CCDC158: variants seen among roughly 807,000 people sequenced by gnomAD.
CCDC158 encodes coiled-coil domain containing 158.
A neutral mutation model predicts 138.6 loss-of-function variants in CCDC158; 116 were observed. That is an observed-to-expected ratio of 0.84 (90% CI 0.72 to 0.98). The LOEUF (loss-of-function observed/expected upper bound fraction) is 0.98, where lower values mean the gene tolerates loss of function less well. Among genes scored for constraint, CCDC158 ranks in the 50% least tolerant of loss-of-function variants. The pLI is 0.00. For synonymous variants in CCDC158, 436 were observed against 442.4 expected (o/e 0.99, Z 0.18); for missense variants, 1,265 against 1,306.1 (o/e 0.97, Z 0.48).
In CCDC158 at chr4:76,355,318, A is replaced by G; in HGVS notation, c.2286+6T>C. 3 of 1,591,270 alleles carry G rather than the reference A, an allele frequency of 1.9e-6. No homozygotes were observed. The highest frequency in any genetic ancestry group is 2.6e-6 in the Non-Finnish European group (3 of 1,159,586). ...TGGTTTCCCCACTCTGAGGACAGCA[A>G]CCCACCTTATTTGCATTTGTCATTG... is the stretch of plus-strand genomic sequence containing the variant. On this transcript the variant is annotated splice_donor_region_variant and intron_variant, in intron 15 of 24. Transcript: ENST00000682701.
intron 12 of CCDC158, among the ~76,000 whole-genome samples, chr4:76,362,856 T>C (rs1387592383): frequency 6.6e-6 from 1 of 152,116 alleles, no homozygotes; most frequent in Non-Finnish European, 1.5e-5. Flanking sequence ...AACAAATATT[T>C]AATATGTCAG....
At chr4:76,397,058 C>A (rs540245762) in intron 3 of CCDC158, among the ~76,000 whole-genome samples, 24 of 148,674 alleles carry the variant, frequency 1.6e-4, no homozygotes, top group African/African-American at 5.5e-4. Context: ...AATTTGTGAT[C>A]GGGGGCAAAC....
In CCDC158 at chr4:76,371,113, G is replaced by A. The variant is rs536349613; in HGVS notation, c.1149+304C>T. ...TTTTTATGTGTTTTGAATGTTATTT[G>A]GCCTTAAAATGAACGTGTAACACTA... On this transcript the variant is annotated intron_variant, in intron 10 of 24. Transcript: ENST00000682701. Among the ~76,000 whole-genome samples, 6 of 152,062 alleles carry A rather than the reference G, an allele frequency of 3.9e-5. No individual in the cohort carries two copies. The East Asian group carries it at 5.8e-4, about 15-fold the overall frequency.
At position 76,331,398 on chromosome 4, in the gene CCDC158, T is replaced by C. The variant is rs770881979; in HGVS notation, c.2888A>G (p.Asn963Ser). The C allele has an allele frequency of 1.9e-6, 3 of 1,613,642 alleles. No homozygotes were observed. Among genetic ancestry groups the C allele is most frequent in the Non-Finnish European group, 2.5e-6 (3 of 1,179,698 alleles). Residue 963 changes from asparagine to serine, a missense_variant, in exon 21 of 25, where the codon AAC (asparagine) becomes AGC (serine). Asn to Ser is a conservative substitution (Grantham distance 46). Transcript: ENST00000682701. The part of the protein sequence containing the change: ...SLRSDMCHRS[N>S]NSLRDSTEGS... ...TTCAGTGGAGTCCCTCAACGAGTTG[T>C]TGCTTCTGTTGGTAGAGGGATGGGA...
intron 11 of CCDC158, 50 bp from the exon 12 acceptor site, chr4:76,367,826 G>A (rs1184585453): frequency 6.6e-7 from 1 of 1,524,450 alleles, no homozygotes; most frequent in Admixed American, 2.0e-5. Context: ...GATAGGTATA[G>A]GCAACCTCAA....
chr4:76,347,286 A>G (rs539173104), intron 18 of CCDC158, among the ~76,000 whole-genome samples: 1 of 152,330 alleles, frequency 6.6e-6, no homozygotes, highest in East Asian at 1.9e-4. Flanking sequence ...CTAAATGCCC[A>G]GCAATGATAG....
In CCDC158 at chr4:76,396,345, G is replaced by A. The variant is rs968248934; in HGVS notation, c.212C>T (p.Pro71Leu). The A allele has an allele frequency of 6.2e-7, 1 of 1,613,920 alleles. No homozygotes were observed. Among genetic ancestry groups the A allele is most frequent in the Non-Finnish European group, 8.5e-7 (1 of 1,179,902 alleles). ...LDSPRKIIPS[P>L]GKEHFERVLE... The stretch of plus-strand genomic sequence containing the variant: ...AACACGTTCAAAGTGTTCCTTTCCA[G>A]GAGATGGGATGATTTTTCTAGGAGA... Residue 71 changes from proline (P) to leucine (L), a missense_variant, in exon 4 of 25, where the codon CCT becomes CTT. Transcript: ENST00000682701.
rs139619184 is a variant in CCDC158 at position 76,321,122 on chromosome 4, A to G, written c.3277+2180T>C. ...CTAAGGACATGAATAGACAATTCTC[A>G]AAAGAAGATACACAAATGGTCAACA... On this transcript the variant is annotated intron_variant, in intron 24 of 24. Transcript: ENST00000682701. Among the ~76,000 whole-genome samples the G allele has an allele frequency of 2.8e-3, 419 of 152,336 alleles. 4 individuals are homozygous for G. The highest frequency in any genetic ancestry group is 9.5e-3 in the African/African-American group (394 of 41,574).
intron 18 of CCDC158, among the ~76,000 whole-genome samples, chr4:76,338,506 C>T (rs956046566): frequency 2.6e-5 from 4 of 151,936 alleles, no homozygotes; most frequent in Admixed American, 6.6e-5. Context: ...AGAGAGACTC[C>T]GTCTCAAAAA....
chr4:76,367,742 T>C lies in CCDC158; in HGVS notation c.1382A>G (p.Glu461Gly). The C allele has an allele frequency of 6.2e-7, 1 of 1,606,078 alleles. No homozygotes were observed. The highest frequency in any genetic ancestry group is 2.2e-5 in the East Asian group (1 of 44,706). Residue 461 changes from glutamate (E) to glycine (G), a missense_variant, in exon 12 of 25, where the codon GAA (glutamate) becomes GGA (glycine). Transcript: ENST00000682701. ...CTGAGCAGTCAAGGAGGATACTTTTTCTAGACTTTCATTCTTTCCTTGAAT... is the reference window on the plus strand; with the variant it reads ...CTGAGCAGTCAAGGAGGATACTTTTCCTAGACTTTCATTCTTTCCTTGAAT... Reference protein sequence around the residue: ...AAIQGKNESLEKVSSLTAQLE... With the variant: ...AAIQGKNESLGKVSSLTAQLE...
intron 2 of CCDC158, among the ~76,000 whole-genome samples, chr4:76,408,595 A>T (rs1331675303): frequency 6.6e-6 from 1 of 152,168 alleles, no homozygotes; most frequent in East Asian, 1.9e-4. Context: ...ATTGTTGGAC[A>T]TTTGGGTTGG....
rs182777280 is a variant in CCDC158, at chr4:76,407,800, T to C, written c.-74+4290A>G. On this transcript the variant is annotated intron_variant, in intron 2 of 24. Transcript: ENST00000682701. Reference sequence around the variant, plus strand: ...AGATCAAGGTAAGCAGAATTGAAAATAGGAGTTAGAGAGTAGAGAAAAGAA... The same window carrying C: ...AGATCAAGGTAAGCAGAATTGAAAACAGGAGTTAGAGAGTAGAGAAAAGAA... Among the ~76,000 whole-genome samples, 135 of 152,082 alleles carry C rather than the reference T, an allele frequency of 8.9e-4. 1 individual carries two copies. The Middle Eastern group carries it at 0.02, about 23-fold the overall frequency.
chr4:76,381,067 G>T (rs1213413442), intron 8 of CCDC158, among the ~76,000 whole-genome samples: 1 of 152,214 alleles, frequency 6.6e-6, no homozygotes, highest in African/African-American at 2.4e-5. Context: ...TGGATGTCCA[G>T]GCAGACATCT....
At chr4:76,403,047 T>A (rs1728539643) in intron 3 of CCDC158, 91 bp downstream of exon 3, 1 of 875,116 alleles carries the variant, frequency 1.1e-6, no homozygotes, top group African/African-American at 1.7e-5. Context: ...ACCCACATGG[T>A]TAAAAATAAA....
At position 76,371,401 on chromosome 4, in the gene CCDC158, T is replaced by C. The variant is rs1725224250; in HGVS notation, c.1149+16A>G. 6.2e-7 allele frequency: 1 copy of C among 1,611,690 alleles called. No individual in the cohort carries two copies. Among genetic ancestry groups the C allele is most frequent in the Admixed American group, 1.7e-5 (1 of 59,884 alleles). On this transcript the variant is annotated intron_variant, in intron 10 of 24. Transcript: ENST00000682701. ...CCCAGAATTAGTCTTATTCATATTT[T>C]AAAGCATAATCTTACCAACAGCTTT...
At chr4:76,416,401 T>C (rs1008224113) in intron 1 of CCDC158, among the ~76,000 whole-genome samples, 1 of 152,138 alleles carries the variant, frequency 6.6e-6, no homozygotes, top group African/African-American at 2.4e-5. Flanking sequence ...CTCTCTCATC[T>C]CCGCACACGG....
chr4:76,379,015 A>G (rs1295224337), intron 9 of CCDC158, among the ~76,000 whole-genome samples: 1 of 151,964 alleles, frequency 6.6e-6, no homozygotes, highest in Non-Finnish European at 1.5e-5. Context: ...AGCTAAGTAA[A>G]AATAATTAAG....
intron 3 of CCDC158, among the ~76,000 whole-genome samples, chr4:76,399,616 A>C (rs111426299): frequency 0.012 from 1,774 of 152,330 alleles, 33 homozygotes; most frequent in African/African-American, 0.041. Context: ...ATGGATGGTG[A>C]GAAAACGTAG....
At chr4:76,345,858 A>G (rs1722495716) in intron 18 of CCDC158, among the ~76,000 whole-genome samples, 1 of 152,196 alleles carries the variant, frequency 6.6e-6, no homozygotes, top group African/African-American at 2.4e-5. Flanking sequence ...TCAAGCTACC[A>G]TTGACTTTCT....
Sources: allele counts gnomAD v4.1 joint callset (sites outside exome capture counted in the v4.1 genomes callset), GRCh38; gene constraint gnomAD v4.1.1; transcripts MANE v1.5; gene names NCBI Gene and HGNC (gene_info 2026-07-23, HGNC 2026-07-21).